Variants in FERMT1 observed in about 807,000 individuals in gnomAD.
FERMT1 encodes the protein fermitin family homolog 1.
Under a neutral mutation model 85.3 loss-of-function variants are expected in FERMT1, and 60 were observed. The observed-to-expected ratio is 0.70, with a 90% CI of 0.57 to 0.87. The LOEUF (loss-of-function observed/expected upper bound fraction) is 0.87, where lower values mean the gene tolerates loss of function less well. Among genes scored for constraint, FERMT1 ranks in the 40% least tolerant of loss-of-function variants. FERMT1 has a pLI of 0.00. For missense variants in FERMT1, 701 were observed against 818.9 expected, an observed-to-expected ratio of 0.86 and a Z score of 1.76; for synonymous variants, 275 against 301.1, an observed-to-expected ratio of 0.91 and a Z score of 0.90.
chr20:6,119,271 G>A (rs1475346615), intron 2 of FERMT1, 133 bp downstream of exon 2: 4 of 944,520 alleles, frequency 4.2e-6, no homozygotes, highest in Admixed American at 1.9e-5. Flanking sequence ...TCTCTCCTCT[G>A]GGATGAGGGG....
intron 6 of FERMT1, among the ~76,000 whole-genome samples, chr20:6,098,275 TC>T (rs1982564343): frequency 1.3e-5 from 2 of 151,566 alleles, no homozygotes; most frequent in Admixed American, 1.3e-4. Context: ...ATAGAAGGGA[TC>T]CCCATGCTGA....
intron 5 of FERMT1, among the ~76,000 whole-genome samples, chr20:6,108,697 C>T (rs1349703256): frequency 6.6e-6 from 1 of 151,854 alleles, no homozygotes. Flanking sequence ...GTAATCTCAG[C>T]TACTTGGGAG....
At chr20:6,086,082 C>T (rs1982175635) in intron 11 of FERMT1, among the ~76,000 whole-genome samples, 1 of 150,468 alleles carries the variant, frequency 6.6e-6, no homozygotes, top group Non-Finnish European at 1.5e-5. Context: ...GTGGAGGTTG[C>T]AGTGAGCCGA....
At chr20:6,096,419 G>A (rs796277392) in intron 8 of FERMT1, among the ~76,000 whole-genome samples, 5 of 152,154 alleles carry the variant, frequency 3.3e-5, no homozygotes, top group East Asian at 3.8e-4. Flanking sequence ...CAGCTACTCC[G>A]GAGGCTGAGA....
chr20:6,117,865 T>C (rs1983149735), intron 2 of FERMT1, among the ~76,000 whole-genome samples: 2 of 152,052 alleles, frequency 1.3e-5, no homozygotes, highest in Non-Finnish European at 2.9e-5. Context: ...TTTCACCATG[T>C]TGGCCAGGCT....
Position 6,110,404 on chromosome 20 carries a change from G to A in FERMT1, c.640C>T (p.Gln214Ter), listed in dbSNP as rs775064265. Residue 214 changes from glutamine (Q) to a stop codon, truncating the protein, a stop_gained, in exon 5 of 15, where the codon CAA (glutamine) becomes TAA (stop). Transcript: ENST00000217289. LOFTEE classifies it high-confidence loss of function. ...CTGAATGCGAGGATGCTGCAGTTTTGTTCCGTCAAAGGGCTGTCACTGAAC... is the reference window on the plus strand; with the variant it reads ...CTGAATGCGAGGATGCTGCAGTTTTATTCCGTCAAAGGGCTGTCACTGAAC... ...TWFSDSPLTE[Q>*]NCSILAFSQP... 1.2e-6 allele frequency: 2 copies of A among 1,613,940 alleles called. No homozygotes were observed. The highest frequency in any genetic ancestry group is 1.7e-5 in the Admixed American group (1 of 59,978).
At chr20:6,094,006 C>G (rs1982435195) in intron 9 of FERMT1, 1 of 152,204 alleles carries the variant, frequency 6.6e-6, no homozygotes, top group African/African-American at 2.4e-5. Context: ...TTTGCGACCA[C>G]ATCCTACAAT....
chr20:6,079,432 T>G lies in FERMT1; in HGVS notation c.1860+4A>C. 6.2e-7 allele frequency: 1 copy of G among 1,614,152 alleles called. No homozygotes were observed. The highest frequency in any genetic ancestry group is 8.5e-7 in the Non-Finnish European group (1 of 1,180,006). On this transcript the variant is annotated splice_donor_region_variant and intron_variant, in intron 14 of 14. Coordinates refer to ENST00000217289, the MANE Select transcript of FERMT1 (RefSeq NM_017671.5). ...ACACTGAAGAGCAAAAACTTTCACT[T>G]TACCTGCCGGGTTTCCCAGTTTACA...
intron 2 of FERMT1, among the ~76,000 whole-genome samples, chr20:6,116,958 G>A (rs535145931): frequency 3.0e-4 from 46 of 152,254 alleles, no homozygotes; most frequent in African/African-American, 1.1e-3. Context: ...AGTAGCAATA[G>A]CCTCCAATCA....
intron 3 of FERMT1, among the ~76,000 whole-genome samples, chr20:6,114,955 G>C (rs1401755238): frequency 6.6e-6 from 1 of 152,136 alleles, no homozygotes; most frequent in Non-Finnish European, 1.5e-5. Flanking sequence ...GTAAGCTCCA[G>C]GTGGCAGGGA....
chr20:6,080,178 G>T (rs1229407765), intron 13 of FERMT1, among the ~76,000 whole-genome samples: 2 of 152,134 alleles, frequency 1.3e-5, no homozygotes, highest in African/African-American at 2.4e-5. Context: ...TGTGCTTAAG[G>T]ACCTGCCAGG....
intron 6 of FERMT1, among the ~76,000 whole-genome samples, chr20:6,105,241 C>T (rs62200480): frequency 0.1 from 15,759 of 152,148 alleles, 914 homozygotes; most frequent in African/African-American, 0.15. Flanking sequence ...CCCATGTGAC[C>T]GAGAGTAGAG....
intron 14 of FERMT1, 111 bp from the exon 15 acceptor site, chr20:6,077,457 T>C: frequency 1.1e-6 from 1 of 947,574 alleles, no homozygotes. Flanking sequence ...GGATAACAGA[T>C]GGATATCCCT....
At chr20:6,089,287 C>A (rs914874488) in intron 9 of FERMT1, among the ~76,000 whole-genome samples, 198 bp from the exon 10 acceptor site, 2 of 152,186 alleles carry the variant, frequency 1.3e-5, no homozygotes, top group African/African-American at 4.8e-5. Flanking sequence ...ACTAAGCCTC[C>A]ACCTGGGGCC....
chr20:6,086,992 A>G lies in FERMT1; in HGVS notation c.1371+785T>C, dbSNP rs140037047. 7.2e-5 allele frequency among the ~76,000 whole-genome samples: 11 copies of G among 152,232 alleles called. No homozygotes were observed. In the East Asian group the frequency reaches 2.1e-3, roughly 30 times the overall value. On this transcript the variant is annotated intron_variant, in intron 11 of 14. Transcript: ENST00000217289. ...TTTACAGTTCCTCCCACCAGGGAGG[A>G]ATTCCCATCCCTTGACTGCAGGCTC...
chr20:6,093,806 T>G (rs1982428417), intron 9 of FERMT1, among the ~76,000 whole-genome samples: 1 of 151,954 alleles, frequency 6.6e-6, no homozygotes, highest in African/African-American at 2.4e-5. Flanking sequence ...AAATACAAAA[T>G]GTAGCCAGGC....
At position 6,085,229 on chromosome 20, in the gene FERMT1, A is replaced by G. The variant is rs768198761; in HGVS notation, c.1430T>C (p.Met477Thr). Residue 477 changes from methionine to threonine, a missense_variant, in exon 12 of 15, where the codon ATG becomes ACG. Physicochemically the swap from Met to Thr is moderately conservative, Grantham distance 81 (BLOSUM62 -1). Coordinates refer to ENST00000217289, the MANE Select transcript of FERMT1 (RefSeq NM_017671.5). ...ACMLASKGKT[M>T]ADSSYQPEVL... ...CTCTGGCTGGTAGGAGCTGTCTGCC[A>G]TGGTTTTGCCCTTCGATGCCAACAT... 1.9e-6 allele frequency: 3 copies of G among 1,614,160 alleles called. No homozygotes were observed. Among genetic ancestry groups the G allele is most frequent in the Admixed American group, 1.7e-5 (1 of 60,022 alleles).
At chr20:6,111,947 C>G (rs1289420533) in intron 4 of FERMT1, among the ~76,000 whole-genome samples, 1 of 151,946 alleles carries the variant, frequency 6.6e-6, no homozygotes, top group Non-Finnish European at 1.5e-5. Context: ...ACCGCAACTT[C>G]CACCCTCAGG....
chr20:6,085,351 G>A (rs575179640), intron 11 of FERMT1, 64 bp from the exon 12 acceptor site: 985 of 1,460,286 alleles, frequency 6.7e-4, no homozygotes, highest in Non-Finnish European at 9.1e-4. Flanking sequence ...ACACAGAGGG[G>A]GACTTGGGCT....
Sources: gnomAD v4.1 joint callset for allele counts (sites outside exome capture counted in the v4.1 genomes callset) on GRCh38, gnomAD v4.1.1 for gene constraint, MANE v1.5 for transcripts, NCBI Gene and HGNC (gene_info 2026-07-23, HGNC 2026-07-21) for gene names.